The following CPE variants were observed in gnomAD, a reference collection of about 807,000 sequenced individuals.
CPE encodes the protein carboxypeptidase E.
In CPE, 17 loss-of-function variants were observed where a neutral mutation model predicts 53.5. That is an observed-to-expected ratio of 0.32 (90% CI 0.22 to 0.48). The LOEUF is 0.48. Among genes scored for constraint, CPE ranks in the 20% least tolerant of loss-of-function variants. CPE has a pLI of 0.99. For synonymous variants in CPE, 226 were observed against 228.8 expected (o/e 0.99, Z 0.11); for missense variants, 524 against 614.7 (o/e 0.85, Z 1.56).
chr4:165,387,666 A>G (rs1183110409), intron 1 of CPE, among the ~76,000 whole-genome samples: 3 of 152,106 alleles, frequency 2.0e-5, no homozygotes, highest in Admixed American at 6.5e-5. Flanking sequence ...AAAATTAGCC[A>G]GCCGTGGTGG....
At chr4:165,475,435 G>T (rs1732280583) in intron 3 of CPE, among the ~76,000 whole-genome samples, 1 of 152,200 alleles carries the variant, frequency 6.6e-6, no homozygotes, top group South Asian at 2.1e-4. Flanking sequence ...GGGGATATTT[G>T]CAAGGGAGCC....
intron 1 of CPE, among the ~76,000 whole-genome samples, chr4:165,457,252 T>TA (rs1049158689): frequency 3.9e-5 from 6 of 152,322 alleles, no homozygotes; most frequent in Admixed American, 6.5e-5. Flanking sequence ...CACACATTAG[T>TA]AGCTTCAAAT....
intron 1 of CPE, among the ~76,000 whole-genome samples, chr4:165,393,405 T>C (rs1361537343): frequency 1.3e-5 from 2 of 152,202 alleles, no homozygotes; most frequent in Non-Finnish European, 2.9e-5. Flanking sequence ...GGTAAATTTA[T>C]TTTGAATTAC....
intron 1 of CPE, among the ~76,000 whole-genome samples, chr4:165,415,647 A>C (rs572227386): frequency 6.6e-6 from 1 of 152,296 alleles, no homozygotes; most frequent in East Asian, 1.9e-4. Context: ...AGAAATATAG[A>C]GATCAAAATT....
At chr4:165,455,932 C>T (rs1731894441) in intron 1 of CPE, among the ~76,000 whole-genome samples, 1 of 152,068 alleles carries the variant, frequency 6.6e-6, no homozygotes, top group African/African-American at 2.4e-5. Context: ...GGATTACAGG[C>T]GTGAGCCACC....
At chr4:165,448,636 A>G (rs1176303538) in intron 1 of CPE, among the ~76,000 whole-genome samples, 1 of 145,382 alleles carries the variant, frequency 6.9e-6, no homozygotes, top group Non-Finnish European at 1.5e-5. Context: ...AGAATAAAGC[A>G]AAAAAAAAAC....
intron 1 of CPE, chr4:165,405,036 ATGTC>A: frequency 1.4e-6 from 1 of 724,662 alleles, no homozygotes; most frequent in Non-Finnish European, 2.5e-6. Context: ...ATCCATCACC[ATGTC>A]TGTCTTTCAA....
intron 1 of CPE, among the ~76,000 whole-genome samples, chr4:165,416,743 C>T (rs188099059): frequency 2.0e-5 from 3 of 151,968 alleles, no homozygotes; most frequent in Non-Finnish European, 4.4e-5. Flanking sequence ...TGCGGTGGCC[C>T]CACATATGCC....
At chr4:165,407,827 A>G (rs906381477) in intron 1 of CPE, among the ~76,000 whole-genome samples, 2 of 150,110 alleles carry the variant, frequency 1.3e-5, no homozygotes, top group African/African-American at 4.9e-5. Context: ...AAATGTTGGG[A>G]TTATAGGCAT....
chr4:165,468,637 C>T (rs566386808), intron 3 of CPE, among the ~76,000 whole-genome samples: 3 of 152,282 alleles, frequency 2.0e-5, no homozygotes, highest in African/African-American at 7.2e-5. Flanking sequence ...CTCTCTGACA[C>T]CTCTTCCATT....
At chr4:165,485,239 C>T (rs530908273) in intron 5 of CPE, among the ~76,000 whole-genome samples, 14 of 152,116 alleles carry the variant, frequency 9.2e-5, no homozygotes, top group East Asian at 5.8e-4. Flanking sequence ...TTACAGAGCT[C>T]GTATTTTCAC....
At chr4:165,416,898 G>A (rs886761531) in intron 1 of CPE, among the ~76,000 whole-genome samples, 2 of 151,890 alleles carry the variant, frequency 1.3e-5, no homozygotes, top group Non-Finnish European at 2.9e-5. Flanking sequence ...AAATATTTTC[G>A]AATGTGTCAA....
chr4:165,456,884 G>A (rs1731912379), intron 1 of CPE, among the ~76,000 whole-genome samples: 1 of 151,710 alleles, frequency 6.6e-6, no homozygotes, highest in South Asian at 2.1e-4. Context: ...GGGATTACAG[G>A]CACCCACCAC....
chr4:165,483,304 T>A (rs1347815444), intron 4 of CPE, among the ~76,000 whole-genome samples: 1 of 152,206 alleles, frequency 6.6e-6, no homozygotes, highest in Admixed American at 6.5e-5. Flanking sequence ...TCCATGTCGT[T>A]GCAAAATACA....
chr4:165,458,474 TTGG>T (rs1731939837), intron 1 of CPE, among the ~76,000 whole-genome samples: 1 of 152,240 alleles, frequency 6.6e-6, no homozygotes, highest in South Asian at 2.1e-4. Flanking sequence ...AAATTTGTTG[TTGG>T]AGGAAGAATA....
intron 1 of CPE, among the ~76,000 whole-genome samples, chr4:165,429,700 T>TAA (rs35818467): frequency 0.27 from 39,643 of 146,490 alleles, 5,340 homozygotes; most frequent in East Asian, 0.37. Flanking sequence ...AGACCCTGTT[T>TAA]AAAAAAAAAA....
At chr4:165,404,667 C>T in intron 1 of CPE, 1 of 1,031,824 alleles carries the variant, frequency 9.7e-7, no homozygotes, top group Non-Finnish European at 1.5e-6. Context: ...TCAACTCCTT[C>T]CTGGAGGATT....
At chr4:165,410,474 T>G (rs1229102390) in intron 1 of CPE, among the ~76,000 whole-genome samples, 1 of 152,178 alleles carries the variant, frequency 6.6e-6, no homozygotes, top group Non-Finnish European at 1.5e-5. Flanking sequence ...AAGACCTAGC[T>G]ATTAATGGCA....
chr4:165,386,864 T>G (rs914337676), intron 1 of CPE, among the ~76,000 whole-genome samples: 1 of 152,236 alleles, frequency 6.6e-6, no homozygotes, highest in Non-Finnish European at 1.5e-5. Context: ...ACAGAAGATA[T>G]GTATCTCCAG....
Sources: gnomAD v4.1 joint callset for allele counts (sites outside exome capture counted in the v4.1 genomes callset) on GRCh38, gnomAD v4.1.1 for gene constraint, MANE v1.5 for transcripts, NCBI Gene and HGNC (gene_info 2026-07-23, HGNC 2026-07-21) for gene names.